Variants in MED1 observed in about 807,000 individuals in gnomAD.
MED1 encodes mediator of RNA polymerase II transcription subunit 1.
Under a neutral mutation model 121.3 loss-of-function variants are expected in MED1, and 17 were observed. The ratio of observed to expected loss-of-function variants is 0.14; its 90% CI spans 0.10 to 0.21. MED1 has a LOEUF of 0.21. MED1 is among the 10% of genes least tolerant of loss of function. MED1 has a pLI of 1.00. For synonymous variants in MED1, 661 were observed against 694.4 expected, an observed-to-expected ratio of 0.95 and a Z score of 0.76; for missense variants, 1,558 against 1,919.4, an observed-to-expected ratio of 0.81 and a Z score of 3.52.
intron 6 of MED1, among the ~76,000 whole-genome samples, chr17:39,435,345 A>G (rs1304735746): frequency 6.6e-6 from 1 of 152,174 alleles, no homozygotes; most frequent in African/African-American, 2.4e-5. Context: ...CTACCCTAGA[A>G]AACATAAACT....
Position 39,440,495 on chromosome 17 carries a change from C to T in MED1, c.290G>A (p.Ser97Asn), listed in dbSNP as rs777214010. The T allele has an allele frequency of 3.1e-6, 5 of 1,609,246 alleles. No individual in the cohort carries two copies. In the African/African-American group the frequency reaches 4.0e-5, roughly 13 times the overall value. ...TGACGTGATGTAACATTCAGTGCCACTGGCACTGAGATGAGAGCCCAGTCT... is the reference window on the plus strand; with the variant it reads ...TGACGTGATGTAACATTCAGTGCCATTGGCACTGAGATGAGAGCCCAGTCT... ...QNGLGSHLSA[S>N]GTECYITSDM... Residue 97 changes from serine to asparagine, a missense_variant, in exon 5 of 17, where the codon AGT becomes AAT. Physicochemically the swap from Ser to Asn is conservative, Grantham distance 46 (BLOSUM62 1). Transcript: ENST00000300651. The surrounding 1 kb of genome is among the most constrained non-coding windows in gnomAD (Gnocchi z 4.1).
Position 39,406,057 on chromosome 17 carries a change from A to T in MED1, c.*1418T>A. ...GAATTTTTGAGAGGACCCTCCAAATACTGAGAACTTCTGTTGCACTCGAAA... is the reference window on the plus strand; with the variant it reads ...GAATTTTTGAGAGGACCCTCCAAATTCTGAGAACTTCTGTTGCACTCGAAA... On this transcript the variant is annotated 3_prime_UTR_variant, in exon 17 of 17. Transcript: ENST00000300651. 1.0e-6 allele frequency: 1 copy of T among 985,532 alleles called. No individual in the cohort carries two copies. Among genetic ancestry groups the T allele is most frequent in the Non-Finnish European group, 1.2e-6 (1 of 829,924 alleles). The allele number at this position is 985,532 out of a possible 1,614,324, so 61.0% of individuals were successfully genotyped here.
rs190636075 is a variant in MED1 at position 39,414,525 on chromosome 17, C to T, written c.1499+501G>A. ...TAATTTTTTGTATTTTTAATAGAGA[C>T]GGGGTTTCACTGTGTTAGCCAGGAT... is the stretch of plus-strand genomic sequence containing the variant. On this transcript the variant is annotated intron_variant, in intron 16 of 16. Coordinates refer to ENST00000300651, the MANE Select transcript of MED1 (RefSeq NM_004774.4). Among the ~76,000 whole-genome samples, 1,394 of 149,874 alleles carry T rather than the reference C, an allele frequency of 9.3e-3. 18 individuals are homozygous for T. The highest frequency in any genetic ancestry group is 0.032 in the African/African-American group (1,310 of 40,724).
chr17:39,434,181 G>T, intron 7 of MED1, 68 bp downstream of exon 7: 1 of 1,089,710 alleles, frequency 9.2e-7, no homozygotes, highest in Non-Finnish European at 1.3e-6. Context: ...CAAATTTCTA[G>T]GCATAAGGTG....
rs1409957843 is a variant in MED1 at position 39,410,268 on chromosome 17, A to C, written c.1953T>G (p.Asp651Glu). 1 of 1,613,850 alleles carries C rather than the reference A, an allele frequency of 6.2e-7. No homozygotes were observed. The highest frequency in any genetic ancestry group is 1.3e-5 in the African/African-American group (1 of 74,866). ...GGGTTGAGAAATCCTGGGCAGGATT[A>C]TCTTTAAGAAGGTTCATGAGCATCG... ...NHPMLMNLLK[D>E]NPAQDFSTLY... is the part of the protein sequence containing the mutation. The change falls in exon 17 of 17, where the codon GAT becomes GAG. Residue 651 changes from aspartate (D) to glutamate (E), a missense_variant. Around this residue, in one of 5 missense-constraint regions of MED1, gnomAD observed 793 missense variants for 898.2 expected, o/e 0.88. Transcript: ENST00000300651.
Position 39,440,303 on chromosome 17 carries a change from T to C in MED1, c.399+83A>G. ...CTCATGGAAAAACCTAAACCCAAGCTATTTAAACCCCAACAATTAATTTTA... is the reference window on the plus strand; with the variant it reads ...CTCATGGAAAAACCTAAACCCAAGCCATTTAAACCCCAACAATTAATTTTA... On this transcript the variant is annotated intron_variant, in intron 5 of 16. Coordinates refer to ENST00000300651, the MANE Select transcript of MED1 (RefSeq NM_004774.4). The surrounding 1 kb of genome is among the most constrained non-coding windows in gnomAD (Gnocchi z 4.1). The C allele has an allele frequency of 7.2e-7, 1 of 1,395,850 alleles. No homozygotes were observed. Among genetic ancestry groups the C allele is most frequent in the Non-Finnish European group, 9.5e-7 (1 of 1,047,764 alleles). The allele number at this position is 1,395,850 out of a possible 1,614,324, so 86.5% of individuals were successfully genotyped here. A position where few individuals can be genotyped will look rare whatever the true frequency, so the allele number is the denominator to read the frequency against.
chr17:39,428,760 G>C (rs1171607492), intron 9 of MED1, among the ~76,000 whole-genome samples: 1 of 152,038 alleles, frequency 6.6e-6, no homozygotes, highest in Non-Finnish European at 1.5e-5. Context: ...AGACGAGCCT[G>C]GCCAGCATGG....
At chr17:39,423,884 CA>C in intron 11 of MED1, 63 bp from the exon 12 acceptor site, 18 of 1,521,118 alleles carry the variant, frequency 1.2e-5, no homozygotes, top group East Asian at 6.9e-5. Flanking sequence ...AAAACCCAAA[CA>C]CCTTTTTTTT....
At chr17:39,438,060 A>G (rs2048636543) in intron 6 of MED1, among the ~76,000 whole-genome samples, 1 of 151,640 alleles carries the variant, frequency 6.6e-6, no homozygotes. Context: ...AAAAACAGAA[A>G]AGAAAAGAAA....
Position 39,409,766 on chromosome 17 carries a change from T to C in MED1, c.2455A>G (p.Thr819Ala). 1.2e-6 allele frequency: 2 copies of C among 1,614,060 alleles called. No individual in the cohort carries two copies. Among genetic ancestry groups the C allele is most frequent in the Non-Finnish European group, 1.7e-6 (2 of 1,179,930 alleles). Residue 819 changes from threonine to alanine, a missense_variant, in exon 17 of 17, where the codon ACC becomes GCC. Physicochemically the swap from Thr to Ala is moderately conservative, Grantham distance 58 (BLOSUM62 0). Coordinates refer to ENST00000300651, the MANE Select transcript of MED1 (RefSeq NM_004774.4). ...TGAAAGACATCAGAGTCAAACAGGG[T>C]ACTCTGAGAATGCCCAGAGCTTGAA... ...DSSSSGHSQS[T>A]LFDSDVFQTN...
At chr17:39,434,208 T>C (rs1471402529) in intron 7 of MED1, 41 bp downstream of exon 7, 2 of 1,391,152 alleles carry the variant, frequency 1.4e-6, no homozygotes, top group Admixed American at 2.3e-5. Context: ...AGATTTATAC[T>C]GATTTTTACA....
chr17:39,432,839 T>C (rs1387332268), intron 7 of MED1, among the ~76,000 whole-genome samples: 1 of 150,176 alleles, frequency 6.7e-6, no homozygotes, highest in Non-Finnish European at 1.5e-5. Context: ...CCGAAGCGGG[T>C]AGATCACGTG....
At chr17:39,447,260 G>A (rs910063427) in intron 2 of MED1, among the ~76,000 whole-genome samples, 26 of 151,740 alleles carry the variant, frequency 1.7e-4, no homozygotes, top group African/African-American at 4.6e-4. Context: ...GCGTGGTGGC[G>A]CATGCCTGTA....
At chr17:39,425,918 G>A (rs1046672888) in intron 10 of MED1, among the ~76,000 whole-genome samples, 1 of 152,030 alleles carries the variant, frequency 6.6e-6, no homozygotes, top group Non-Finnish European at 1.5e-5. Context: ...ATTTTTGAAG[G>A]GTTCAGTATC....
Position 39,405,805 on chromosome 17 carries a change from A to G in MED1, c.*1670T>C. ...AAAGAAAGCCAAAGCTGATTTTCCA[A>G]CTCTATGCTGACTCCAACCTGCAGA... On this transcript the variant is annotated 3_prime_UTR_variant, in exon 17 of 17. Coordinates refer to ENST00000300651, the MANE Select transcript of MED1 (RefSeq NM_004774.4). The G allele has an allele frequency of 1.0e-6, 1 of 986,300 alleles. No individual in the cohort carries two copies. Among genetic ancestry groups the G allele is most frequent in the Non-Finnish European group, 1.2e-6 (1 of 830,416 alleles). 61.1% of individuals were successfully genotyped at this position (986,300 alleles called of 1,614,324 possible).
chr17:39,451,162 A>G lies in MED1; in HGVS notation c.-100T>C, dbSNP rs2048779058. The G allele has an allele frequency of 1.5e-6, 2 of 1,350,524 alleles. No individual in the cohort carries two copies. Among genetic ancestry groups the G allele is most frequent in the Non-Finnish European group, 2.1e-6 (2 of 949,146 alleles). The allele number at this position is 1,350,524 out of a possible 1,614,324, so 83.7% of individuals were successfully genotyped here. A position where few individuals can be genotyped will look rare whatever the true frequency, so the allele number is the denominator to read the frequency against. On this transcript the variant is annotated 5_prime_UTR_variant, in exon 1 of 17. Coordinates refer to ENST00000300651, the MANE Select transcript of MED1 (RefSeq NM_004774.4). ...GGCTCGGGATCCCGGGACGCAGGGCACCAGCAGTCCCTACTCTTCCCGGGA... is the reference window on the plus strand; with the variant it reads ...GGCTCGGGATCCCGGGACGCAGGGCGCCAGCAGTCCCTACTCTTCCCGGGA...
chr17:39,432,070 G>A (rs545834636), intron 7 of MED1, 54 bp from the exon 8 acceptor site: 41 of 1,367,518 alleles, frequency 3.0e-5, no homozygotes, highest in Non-Finnish European at 4.1e-5. Context: ...ATGACCAAGC[G>A]GGGTGGCTCA....
intron 6 of MED1, among the ~76,000 whole-genome samples, chr17:39,437,074 A>G (rs568582129): frequency 6.6e-6 from 1 of 152,194 alleles, no homozygotes; most frequent in East Asian, 1.9e-4. Context: ...CTGAGATTAC[A>G]AGCATGTGCC....
chr17:39,424,543 G>GGGGTAACAGCCA (rs1213725988), intron 11 of MED1, 84 bp downstream of exon 11: 1 of 806,852 alleles, frequency 1.2e-6, no homozygotes, highest in African/African-American at 1.8e-5. Context: ...AAATTCAAGT[G>GGGGTAACAGCCA]GGGTAACAGC....
Sources: gnomAD v4.1 joint callset for allele counts (sites outside exome capture counted in the v4.1 genomes callset) on GRCh38, gnomAD v4.1.1 for gene constraint, gnomAD v4.1.1 regional missense constraint, Gnocchi (gnomAD v3.1) non-coding constraint, MANE v1.5 for transcripts, NCBI Gene and HGNC (gene_info 2026-07-23, HGNC 2026-07-21) for gene names.